The following RAP1A variants were observed in gnomAD, a reference collection of about 807,000 sequenced individuals.
The protein encoded by RAP1A is ras-related protein Rap-1A.
Under a neutral mutation model 26.4 loss-of-function variants are expected in RAP1A, and 6 were observed. The ratio of observed to expected loss-of-function variants is 0.23; its 90% CI spans 0.12 to 0.45. The LOEUF (loss-of-function observed/expected upper bound fraction) is 0.45, where lower values mean the gene tolerates loss of function less well. Among genes scored for constraint, RAP1A ranks in the 20% least tolerant of loss-of-function variants. RAP1A has a pLI of 0.99. For synonymous variants in RAP1A, 73 were observed against 79.4 expected (o/e 0.92, Z 0.43); for missense variants, 121 against 217.2 (o/e 0.56, Z 2.78).
At chr1:111,572,091 G>A (rs1658060381) in intron 1 of RAP1A, among the ~76,000 whole-genome samples, 1 of 152,230 alleles carries the variant, frequency 6.6e-6, no homozygotes, top group South Asian at 2.1e-4. Flanking sequence ...AGCAAGCTGC[G>A]AAGAGACAAC....
At chr1:111,636,682 C>T (rs1659738517) in intron 1 of RAP1A, among the ~76,000 whole-genome samples, 1 of 151,482 alleles carries the variant, frequency 6.6e-6, no homozygotes, top group Admixed American at 6.6e-5. Context: ...AGGGTTTCTC[C>T]ATGTTGGTCA....
Position 111,688,520 on chromosome 1 carries a change from G to A in RAP1A, c.-27-2814G>A, listed in dbSNP as rs149898860. ...ACTTTAGTAGAGACGGGGTTTCGCCGTGTTGCCCAGGCTGGTTGCGAACTC... is the reference window on the plus strand; with the variant it reads ...ACTTTAGTAGAGACGGGGTTTCGCCATGTTGCCCAGGCTGGTTGCGAACTC... On this transcript the variant is annotated intron_variant, in intron 1 of 7. Transcript: ENST00000369709. Among the ~76,000 whole-genome samples, 456 of 151,560 alleles carry A rather than the reference G, an allele frequency of 3.0e-3. 4 individuals are homozygous for A. The highest frequency in any genetic ancestry group is 0.011 in the African/African-American group (442 of 41,348).
chr1:111,571,034 G>T (rs1021604870), intron 1 of RAP1A, among the ~76,000 whole-genome samples: 4 of 152,218 alleles, frequency 2.6e-5, no homozygotes, highest in Non-Finnish European at 5.9e-5. Flanking sequence ...AGTCTCACAA[G>T]ACTGCCCCCA....
At chr1:111,704,610 A>G in intron 6 of RAP1A, 124 bp downstream of exon 6, 1 of 1,012,274 alleles carries the variant, frequency 9.9e-7, no homozygotes, top group Non-Finnish European at 1.4e-6. Flanking sequence ...TTTATAGGAA[A>G]CACTAAGTAA....
intron 1 of RAP1A, among the ~76,000 whole-genome samples, chr1:111,570,617 A>G (rs1658031333): frequency 6.6e-6 from 1 of 152,088 alleles, no homozygotes; most frequent in Non-Finnish European, 1.5e-5. Context: ...GGTATATTTA[A>G]CTCATGGTTC....
In RAP1A at chr1:111,599,083, C is replaced by T. The variant is rs1658617440; in HGVS notation, c.-28+56574C>T. 3.3e-5 allele frequency among the ~76,000 whole-genome samples: 5 copies of T among 152,220 alleles called. No homozygotes were observed. In the South Asian group the frequency reaches 1.0e-3, roughly 31 times the overall value. On this transcript the variant is annotated intron_variant, in intron 1 of 7. Coordinates refer to the RAP1A transcript ENST00000356415. ...GCTTCCATGCCCTCTGGACATGCCA[C>T]TCTCTAGGAGCCTCCAGATATTCAG...
chr1:111,622,647 G>A (rs539375678), intron 1 of RAP1A, among the ~76,000 whole-genome samples: 1 of 152,274 alleles, frequency 6.6e-6, no homozygotes, highest in African/African-American at 2.4e-5. Flanking sequence ...TTGTATACTT[G>A]CATTGGACAT....
intron 1 of RAP1A, among the ~76,000 whole-genome samples, chr1:111,666,896 C>T (rs1366158356): frequency 1.3e-5 from 2 of 149,832 alleles, no homozygotes; most frequent in Non-Finnish European, 3.0e-5. Context: ...GTTTAAGAAA[C>T]TGAAAGATGG....
At chr1:111,575,995 A>G (rs987329185) in intron 1 of RAP1A, among the ~76,000 whole-genome samples, 1 of 152,246 alleles carries the variant, frequency 6.6e-6, no homozygotes, top group African/African-American at 2.4e-5. Context: ...TTATTTTTCT[A>G]CACCTGAGGA....
At position 111,716,319 on chromosome 1, in the gene RAP1A, T is replaced by G. The variant is rs1662540904; in HGVS notation, c.*3918T>G. ...TCCCCAAAATGTAAAAACTGTAAGT[T>G]ATTCTTGAAAATGTAGTCCAGACAT... On this transcript the variant is annotated 3_prime_UTR_variant, in exon 8 of 8. Coordinates refer to ENST00000369709, the MANE Select transcript of RAP1A (RefSeq NM_002884.4). 1 of 152,230 alleles carries G rather than the reference T, an allele frequency of 6.6e-6. No individual in the cohort carries two copies. Among genetic ancestry groups the G allele is most frequent in the African/African-American group, 2.4e-5 (1 of 41,458 alleles). The allele number at this position is 152,230 out of a possible 1,614,324, so 9.4% of individuals were successfully genotyped here.
chr1:111,659,531 T>C (rs1293078399), intron 1 of RAP1A, among the ~76,000 whole-genome samples: 1 of 151,798 alleles, frequency 6.6e-6, no homozygotes, highest in Non-Finnish European at 1.5e-5. Flanking sequence ...TTTTCTCTTA[T>C]TATTATACCT....
At chr1:111,609,123 G>A (rs1337709787) in intron 1 of RAP1A, among the ~76,000 whole-genome samples, 1 of 152,226 alleles carries the variant, frequency 6.6e-6, no homozygotes, top group East Asian at 1.9e-4. Flanking sequence ...AGGATGAACA[G>A]AGGGGCGGTG....
At chr1:111,682,529 C>T (rs4839159) in intron 1 of RAP1A, among the ~76,000 whole-genome samples, 18,655 of 148,892 alleles carry the variant, frequency 0.13, 1,491 homozygotes, top group South Asian at 0.18. Context: ...GCGGGGGTTG[C>T]AATCCTAGTC....
chr1:111,642,786 CTTTT>C (rs11414021), intron 1 of RAP1A, among the ~76,000 whole-genome samples: 1 of 119,488 alleles, frequency 8.4e-6, no homozygotes, highest in Non-Finnish European at 1.7e-5. Context: ...CGTGCCCAGC[CTTTT>C]TTTTTTTTTT....
At chr1:111,582,558 T>A (rs1268294268) in intron 1 of RAP1A, among the ~76,000 whole-genome samples, 1 of 152,158 alleles carries the variant, frequency 6.6e-6, no homozygotes, top group African/African-American at 2.4e-5. Flanking sequence ...AGACATTCAT[T>A]TTACAAGCAA....
At chr1:111,555,650 A>G (rs1414532737) in intron 1 of RAP1A, among the ~76,000 whole-genome samples, 1 of 152,152 alleles carries the variant, frequency 6.6e-6, no homozygotes, top group Admixed American at 6.5e-5. Context: ...AGGGATTAAA[A>G]AGGTAATATT....
chr1:111,673,525 T>C (rs955967208), intron 1 of RAP1A, among the ~76,000 whole-genome samples: 2 of 152,210 alleles, frequency 1.3e-5, no homozygotes, highest in African/African-American at 4.8e-5. Context: ...GTAGGCTTCC[T>C]GAAGGAAGAA....
At chr1:111,677,043 C>A (rs1179968387) in intron 1 of RAP1A, among the ~76,000 whole-genome samples, 3 of 152,210 alleles carry the variant, frequency 2.0e-5, no homozygotes, top group African/African-American at 7.2e-5. Flanking sequence ...ATCCGCCTAC[C>A]TCGGCCTCCC....
chr1:111,687,546 G>A (rs1367984321), intron 1 of RAP1A, among the ~76,000 whole-genome samples: 1 of 151,948 alleles, frequency 6.6e-6, no homozygotes, highest in African/African-American at 2.4e-5. Flanking sequence ...GTTGCTCTGG[G>A]ACTTACAATA....
Sources: gnomAD v4.1 joint callset for allele counts (sites outside exome capture counted in the v4.1 genomes callset) on GRCh38, gnomAD v4.1.1 for gene constraint, MANE v1.5 for transcripts, NCBI Gene and HGNC (gene_info 2026-07-23, HGNC 2026-07-21) for gene names.